The following GLI2 variants were observed in gnomAD, a reference collection of about 807,000 sequenced individuals.
GLI2 encodes GLI family zinc finger 2, also known as transcription activator GLI2.
Under a neutral mutation model 78.9 loss-of-function variants are expected in GLI2, and 22 were observed. The ratio of observed to expected loss-of-function variants is 0.28; its 90% CI spans 0.20 to 0.40. The LOEUF (loss-of-function observed/expected upper bound fraction) is 0.40. Among genes scored for constraint, GLI2 ranks in the 10% least tolerant of loss-of-function variants. GLI2 has a pLI of 1.00. For synonymous variants in GLI2, 974 were observed against 963.7 expected, an observed-to-expected ratio of 1.01 and a Z score of -0.20; for missense variants, 2,097 against 2,213.2, an observed-to-expected ratio of 0.95 and a Z score of 1.05.
rs571129893 is a variant in GLI2 at position 120,937,502 on chromosome 2, G to A, written c.254+10036G>A. Among the ~76,000 whole-genome samples the A allele has an allele frequency of 2.5e-3, 380 of 152,230 alleles. 1 individual carries two copies. Among genetic ancestry groups the A allele is most frequent in the African/African-American group, 8.5e-3 (354 of 41,550 alleles). ...GGTGGTATGCTGGAAGAGGGGGTAT[G>A]GGAAGCCCAGAGCACCAGGAATACA... On this transcript the variant is annotated intron_variant, in intron 3 of 13. Coordinates refer to ENST00000361492, the MANE Select transcript of GLI2 (RefSeq NM_001374353.1).
chr2:120,951,093 C>A, intron 3 of GLI2, 150 bp from the exon 4 acceptor site: 1 of 714,876 alleles, frequency 1.4e-6, no homozygotes, highest in Admixed American at 1.9e-5. Flanking sequence ...TCACAGATGA[C>A]CAGGGGAATG....
chr2:120,970,614 G>C lies in GLI2; in HGVS notation c.1059+8G>C. ...CTGAGTGACACCAACCAGGTAGGTG[G>C]GTGCAGGGGCCAGGATGGCCACTGG... On this transcript the variant is annotated splice_region_variant and intron_variant, in intron 7 of 13. Transcript: ENST00000361492. The C allele has an allele frequency of 6.2e-7, 1 of 1,610,894 alleles. No homozygotes were observed. The highest frequency in any genetic ancestry group is 8.5e-7 in the Non-Finnish European group (1 of 1,177,148).
chr2:120,905,729 C>G (rs1043863316), intron 2 of GLI2, among the ~76,000 whole-genome samples: 2 of 152,326 alleles, frequency 1.3e-5, no homozygotes, highest in Admixed American at 6.5e-5. Context: ...GAACGTTCTC[C>G]AGGAAGGCCT....
intron 1 of GLI2, among the ~76,000 whole-genome samples, chr2:120,782,082 A>G (rs185672381): frequency 6.6e-6 from 1 of 152,332 alleles, no homozygotes; most frequent in African/African-American, 2.4e-5. Context: ...AGTCTTTACA[A>G]TAATAACCTA....
intron 2 of GLI2, among the ~76,000 whole-genome samples, chr2:120,797,980 CA>C (rs1419492909): frequency 6.6e-6 from 1 of 152,222 alleles, no homozygotes; most frequent in Non-Finnish European, 1.5e-5. Flanking sequence ...CACAGCCTCT[CA>C]TTTTACTGCC....
chr2:120,786,748 C>A (rs888673519), intron 1 of GLI2, among the ~76,000 whole-genome samples: 5 of 152,154 alleles, frequency 3.3e-5, no homozygotes, highest in Admixed American at 1.3e-4. Context: ...GACTAGTGTG[C>A]CTCCTGCAGC....
chr2:120,856,758 G>C (rs1426719488), intron 2 of GLI2, among the ~76,000 whole-genome samples: 12 of 152,140 alleles, frequency 7.9e-5, no homozygotes, highest in African/African-American at 2.7e-4. Context: ...CTGCTCTGTT[G>C]GCTGTCCCAC....
intron 2 of GLI2, among the ~76,000 whole-genome samples, chr2:120,893,650 GAAGA>G (rs1048116086): frequency 2.9e-5 from 4 of 138,534 alleles, no homozygotes; most frequent in Non-Finnish European, 3.2e-5. Context: ...AAGGAAAAAA[GAAGA>G]AAGAAAAAAA....
chr2:120,989,979 A>G lies in GLI2; in HGVS notation c.4014A>G (p.Gln1338=), dbSNP rs374113689. 153 of 1,610,796 alleles carry G rather than the reference A, an allele frequency of 9.5e-5. No homozygotes were observed. Among genetic ancestry groups the G allele is most frequent in the Non-Finnish European group, 1.1e-4 (135 of 1,178,844 alleles). Residue 1338 remains glutamine, a synonymous_variant, in exon 14 of 14, where the codon CAA becomes CAG. Transcript: ENST00000361492. ...GCCAGCCTGGCTTCATGGAGCCCCA[A>G]ACAGGCCCGATGGGGGTGGCTACAG... ...PARQPGFMEP[Q]TGPMGVATAG... is the part of the protein sequence containing the mutation.
At chr2:120,836,628 C>A (rs1177607185) in intron 2 of GLI2, among the ~76,000 whole-genome samples, 1 of 152,116 alleles carries the variant, frequency 6.6e-6, no homozygotes, top group East Asian at 1.9e-4. Context: ...TAAAAAGATG[C>A]AATAGAAAAT....
chr2:120,780,617 C>T (rs1457832982), intron 1 of GLI2, among the ~76,000 whole-genome samples: 1 of 152,288 alleles, frequency 6.6e-6, no homozygotes, highest in East Asian at 1.9e-4. Context: ...GGCCCCATGG[C>T]GGGTGTCCTA....
intron 2 of GLI2, among the ~76,000 whole-genome samples, chr2:120,803,614 G>T (rs187748937): frequency 9.2e-5 from 14 of 152,232 alleles, no homozygotes; most frequent in Admixed American, 9.1e-4. Context: ...GTCCCACTTT[G>T]CTTTGCTCCC....
chr2:120,853,150 C>T (rs1231829399), intron 2 of GLI2, among the ~76,000 whole-genome samples: 2 of 152,052 alleles, frequency 1.3e-5, no homozygotes, highest in African/African-American at 2.4e-5. Context: ...AGGCTTTCTG[C>T]GGGGGCTGGA....
At chr2:120,917,769 C>T (rs1025310360) in intron 2 of GLI2, among the ~76,000 whole-genome samples, 4 of 152,232 alleles carry the variant, frequency 2.6e-5, no homozygotes, top group African/African-American at 9.7e-5. Flanking sequence ...CTGATGCAGA[C>T]AAGGAGAGTG....
intron 5 of GLI2, among the ~76,000 whole-genome samples, chr2:120,966,080 C>G (rs1189305965): frequency 2.6e-5 from 4 of 152,220 alleles, no homozygotes; most frequent in Non-Finnish European, 4.4e-5. Flanking sequence ...AAAGAATGTT[C>G]TGATTAACTC....
At chr2:120,981,096 G>C (rs1682699503) in intron 10 of GLI2, among the ~76,000 whole-genome samples, 1 of 152,110 alleles carries the variant, frequency 6.6e-6, no homozygotes, top group South Asian at 2.1e-4. Flanking sequence ...GGCCAGGCTG[G>C]TCTTGAACTC....
chr2:120,966,149 A>T (rs1681844635), intron 5 of GLI2, among the ~76,000 whole-genome samples: 1 of 152,192 alleles, frequency 6.6e-6, no homozygotes, highest in South Asian at 2.1e-4. Context: ...CGTTGAAAAT[A>T]AAGTATACCA....
At chr2:120,964,506 TG>T (rs1681738102) in intron 5 of GLI2, among the ~76,000 whole-genome samples, 1 of 151,344 alleles carries the variant, frequency 6.6e-6, no homozygotes, top group South Asian at 2.1e-4. Flanking sequence ...GTGCTAGGGG[TG>T]GAGTTTGAAA....
intron 2 of GLI2, among the ~76,000 whole-genome samples, chr2:120,802,060 GC>G (rs1477251341): frequency 6.6e-6 from 1 of 152,102 alleles, no homozygotes; most frequent in East Asian, 1.9e-4. Context: ...TCCATCCCAG[GC>G]CCTGATGGCA....
Sources: gnomAD v4.1 joint callset for allele counts (sites outside exome capture counted in the v4.1 genomes callset) on GRCh38, gnomAD v4.1.1 for gene constraint, MANE v1.5 for transcripts, NCBI Gene and HGNC (gene_info 2026-07-23, HGNC 2026-07-21) for gene names.